HTD2: variants seen among roughly 807,000 people sequenced by gnomAD.
HTD2 encodes hydroxyacyl-thioester dehydratase type 2, mitochondrial.
In HTD2, 1 loss-of-function variant was observed where a neutral mutation model predicts 3.1. The observed-to-expected ratio is 0.32, with a 90% CI of 0.11 to 1.52. The LOEUF is 1.52. Ranked by LOEUF, HTD2 falls within the 40% of genes most tolerant of loss-of-function variation. The pLI is 0.39. For synonymous variants in HTD2, 50 were observed against 28.9 expected (o/e 1.73, Z -2.34); for missense variants, 150 against 79.6 (o/e 1.88, Z -3.36).
rs1042655314 is a variant in HTD2, at chr3:58,318,519, G to C, written c.*399G>C. 1 of 126,504 alleles carries C rather than the reference G, an allele frequency of 7.9e-6. No homozygotes were observed. The highest frequency in any genetic ancestry group is 1.6e-5 in the Non-Finnish European group (1 of 62,298). 7.8% of individuals were successfully genotyped at this position (126,504 alleles called of 1,614,324 possible). ...CCAAAAAAAAAAAAAAAAAAAAAGTGCAACTAGCTGTGCTTGGTGACTTGG... is the reference window on the plus strand; with the variant it reads ...CCAAAAAAAAAAAAAAAAAAAAAGTCCAACTAGCTGTGCTTGGTGACTTGG... On this transcript the variant is annotated 3_prime_UTR_variant, in exon 5 of 5. Coordinates refer to ENST00000461393, the MANE Select transcript of HTD2 (RefSeq NM_001348712.2).
intron 3 of HTD2, 71 bp downstream of exon 3, chr3:58,316,662 T>C: frequency 2.3e-6 from 3 of 1,333,092 alleles, no homozygotes; most frequent in East Asian, 2.3e-5. Context: ...TGCTCTCTTC[T>C]GAGAATGAGA....
At chr3:58,315,379 T>A (rs534215668) in intron 2 of HTD2, among the ~76,000 whole-genome samples, 1 of 143,364 alleles carries the variant, frequency 7.0e-6, no homozygotes, top group African/African-American at 2.6e-5. Flanking sequence ...GGGTGAGGAG[T>A]AGGGGAGGAG....
intron 1 of HTD2, among the ~76,000 whole-genome samples, chr3:58,308,658 G>A (rs1031794399): frequency 6.6e-6 from 1 of 152,154 alleles, no homozygotes; most frequent in African/African-American, 2.4e-5. Flanking sequence ...GGGAGTGGTT[G>A]GAACTGGGTC....
chr3:58,308,091 A>T (rs976717260), intron 1 of HTD2: 1 of 152,166 alleles, frequency 6.6e-6, no homozygotes, highest in Admixed American at 6.5e-5. Context: ...GTGCCAAGCA[A>T]TGAAAGAAAC....
chr3:58,309,639 A>T (rs376650073), intron 1 of HTD2, among the ~76,000 whole-genome samples: 1 of 152,230 alleles, frequency 6.6e-6, no homozygotes, highest in Non-Finnish European at 1.5e-5. Flanking sequence ...CACCTGTAAT[A>T]CCGGCACTCT....
At chr3:58,309,029 C>T (rs1199565491) in intron 1 of HTD2, among the ~76,000 whole-genome samples, 2 of 152,204 alleles carry the variant, frequency 1.3e-5, no homozygotes, top group Non-Finnish European at 2.9e-5. Flanking sequence ...CCAGGAATCC[C>T]TCTTCTCAAC....
At chr3:58,317,081 A>G in intron 4 of HTD2, 88 bp downstream of exon 4, 1 of 922,826 alleles carries the variant, frequency 1.1e-6, no homozygotes, top group Non-Finnish European at 1.7e-6. Context: ...TTGTGCTTGC[A>G]TAAATGTAAT....
At position 58,319,314 on chromosome 3, in the gene HTD2, A is replaced by C. The variant is rs1045557671; in HGVS notation, c.*1194A>C. ...TGTGCATCCTCGGTCTCAGTTATGTAAACGGTCTGATCTGTAAAATAGTGG... is the reference window on the plus strand; with the variant it reads ...TGTGCATCCTCGGTCTCAGTTATGTCAACGGTCTGATCTGTAAAATAGTGG... On this transcript the variant is annotated 3_prime_UTR_variant, in exon 5 of 5. Transcript: ENST00000461393. 6.6e-6 allele frequency: 1 copy of C among 152,220 alleles called. No individual in the cohort carries two copies. The highest frequency in any genetic ancestry group is 1.5e-5 in the Non-Finnish European group (1 of 68,044). 9.4% of individuals were successfully genotyped at this position (152,220 alleles called of 1,614,324 possible).
In HTD2 at chr3:58,319,986, C is replaced by G. The variant is rs1278708386; in HGVS notation, c.*1866C>G. 6.6e-6 allele frequency: 1 copy of G among 152,154 alleles called. No individual in the cohort carries two copies. Among genetic ancestry groups the G allele is most frequent in the East Asian group, 1.9e-4 (1 of 5,196 alleles). 9.4% of individuals were successfully genotyped at this position (152,154 alleles called of 1,614,324 possible). A position where few individuals can be genotyped will look rare whatever the true frequency, so the allele number is the denominator to read the frequency against. On this transcript the variant is annotated 3_prime_UTR_variant, in exon 5 of 5. Coordinates refer to ENST00000461393, the MANE Select transcript of HTD2 (RefSeq NM_001348712.2). Reference sequence around the variant, plus strand: ...TCCCATTAGCAGTCAATCCATTTCTCTCCTCCAGTCTTTGGGAATCACCAG... The same window carrying G: ...TCCCATTAGCAGTCAATCCATTTCTGTCCTCCAGTCTTTGGGAATCACCAG...
intron 1 of HTD2, among the ~76,000 whole-genome samples, chr3:58,308,913 A>G (rs1007129797): frequency 2.0e-5 from 3 of 152,264 alleles, no homozygotes; most frequent in South Asian, 2.1e-4. Flanking sequence ...CCAGAGGGAG[A>G]GCAAGGTTGG....
rs79680826 is a variant in HTD2, at chr3:58,312,980, A to G, written c.-331+2389A>G. Among the ~76,000 whole-genome samples, 1,139 of 135,780 alleles carry G rather than the reference A, an allele frequency of 8.4e-3. 16 individuals are homozygous for G. The highest frequency in any genetic ancestry group is 0.028 in the African/African-American group (1,061 of 37,360). 89.1% of individuals were successfully genotyped at this position (135,780 alleles called of 152,430 possible). ...TGTCTCAAAAAAAAAAAAAAAAAAA[A>G]GGGCTGGGCACGGTAGCTCACGCCT... On this transcript the variant is annotated intron_variant, in intron 2 of 4. Transcript: ENST00000461393.
At chr3:58,316,308 A>AT (rs549203783) in intron 2 of HTD2, among the ~76,000 whole-genome samples, 28 of 152,344 alleles carry the variant, frequency 1.8e-4, no homozygotes, top group South Asian at 1.4e-3. Flanking sequence ...GGCTCAAAGG[A>AT]TGAGAGACAT....
At chr3:58,311,674 T>A (rs2097482381) in intron 2 of HTD2, among the ~76,000 whole-genome samples, 1 of 126,022 alleles carries the variant, frequency 7.9e-6, no homozygotes, top group African/African-American at 2.8e-5. Context: ...ATTTTGCCTA[T>A]TGGGAATACA....
chr3:58,318,089 A>C lies in HTD2; in HGVS notation c.476A>C (p.Lys159Thr). Reference protein sequence around the residue: ...SKKTVMEGWVKVMVPEASKS With the variant: ...SKKTVMEGWVTVMVPEASKS Reference sequence around the variant, plus strand: ...AAGACTGTTATGGAAGGCTGGGTTAAAGTTATGGTTCCAGAAGCTTCCAAA... The same window carrying C: ...AAGACTGTTATGGAAGGCTGGGTTACAGTTATGGTTCCAGAAGCTTCCAAA... The change falls in exon 5 of 5, where the codon AAA becomes ACA. Residue 159 changes from lysine to threonine, a missense_variant. Coordinates refer to ENST00000461393, the MANE Select transcript of HTD2 (RefSeq NM_001348712.2). 1 of 670,728 alleles carries C rather than the reference A, an allele frequency of 1.5e-6. No individual in the cohort carries two copies. Among genetic ancestry groups the C allele is most frequent in the Non-Finnish European group, 2.7e-6 (1 of 373,204 alleles). 41.5% of individuals were successfully genotyped at this position (670,728 alleles called of 1,614,324 possible).
At chr3:58,314,349 T>C (rs1416390896) in intron 2 of HTD2, among the ~76,000 whole-genome samples, 1 of 152,016 alleles carries the variant, frequency 6.6e-6, no homozygotes, top group East Asian at 1.9e-4. Flanking sequence ...AGACTCTGTC[T>C]CAAAAAAATA....
chr3:58,311,932 G>C (rs1353203124), intron 2 of HTD2, among the ~76,000 whole-genome samples: 1 of 152,168 alleles, frequency 6.6e-6, no homozygotes, highest in Non-Finnish European at 1.5e-5. Flanking sequence ...GAGTGCAGTG[G>C]CATGGTCATG....
intron 2 of HTD2, among the ~76,000 whole-genome samples, chr3:58,310,892 T>C (rs2097481462): frequency 6.8e-6 from 1 of 147,588 alleles, no homozygotes; most frequent in African/African-American, 2.5e-5. Flanking sequence ...ATAACGCCAC[T>C]GCACTCCAGC....
In HTD2 at chr3:58,313,207, C is replaced by T. The variant is rs370666553; in HGVS notation, c.-331+2616C>T. 2.3e-4 allele frequency among the ~76,000 whole-genome samples: 31 copies of T among 136,268 alleles called. No homozygotes were observed. In the South Asian group the frequency reaches 5.1e-3, roughly 22 times the overall value. The allele number at this position is 136,268 out of a possible 152,430, so 89.4% of individuals were successfully genotyped here. On this transcript the variant is annotated intron_variant, in intron 2 of 4. Transcript: ENST00000461393. ...CCGGGAGGTGGAGCTTGCAGTGAGC[C>T]GAGATCACGCCACTGCACTCCAGCC...
rs1340583527 is a variant in HTD2 at position 58,317,726 on chromosome 3, T to A, written c.113T>A (p.Val38Asp). The stretch of plus-strand genomic sequence containing the variant: ...CACTTTCAGCATATGCACATCAAAG[T>A]TGGAGACCGCGCTGAACTTAGGAGG... Reference protein sequence around the residue: ...LQHFQHMHIKVGDRAELRRAF... With the variant: ...LQHFQHMHIKDGDRAELRRAF... Residue 38 changes from valine to aspartate, a missense_variant, in exon 5 of 5, where the codon GTT becomes GAT. Transcript: ENST00000461393. 2.8e-6 allele frequency: 2 copies of A among 703,666 alleles called. No homozygotes were observed. The highest frequency in any genetic ancestry group is 5.4e-5 in the East Asian group (2 of 37,294). 43.6% of individuals were successfully genotyped at this position (703,666 alleles called of 1,614,324 possible). A position where few individuals can be genotyped will look rare whatever the true frequency, so the allele number is the denominator to read the frequency against.
Sources: gnomAD v4.1 joint callset for allele counts (sites outside exome capture counted in the v4.1 genomes callset) on GRCh38, gnomAD v4.1.1 for gene constraint, MANE v1.5 for transcripts, NCBI Gene and HGNC (gene_info 2026-07-23, HGNC 2026-07-21) for gene names.